Variants in PELI2 observed in about 807,000 individuals in gnomAD.
PELI2 encodes the protein E3 ubiquitin-protein ligase pellino homolog 2.
Under a neutral mutation model 42.3 loss-of-function variants are expected in PELI2, and 23 were observed. That is an observed-to-expected ratio of 0.54 (90% CI 0.39 to 0.77). PELI2 has a LOEUF of 0.77. Among genes scored for constraint, PELI2 ranks in the 30% least tolerant of loss-of-function variants. PELI2 has a pLI of 0.00. For missense variants in PELI2, 463 were observed against 553.2 expected (o/e 0.84, Z 1.64); for synonymous variants, 245 against 212.2 (o/e 1.15, Z -1.34).
chr14:56,277,647 G>A (rs555690740), intron 2 of PELI2, among the ~76,000 whole-genome samples: 1 of 152,244 alleles, frequency 6.6e-6, no homozygotes, highest in Non-Finnish European at 1.5e-5. Context: ...AAAGGTTGGT[G>A]ACCACTACTC....
At chr14:56,243,188 T>A (rs1888037024) in intron 2 of PELI2, among the ~76,000 whole-genome samples, 1 of 152,128 alleles carries the variant, frequency 6.6e-6, no homozygotes, top group Admixed American at 6.5e-5. Context: ...ACTTGGTAGG[T>A]CATGTAACAC....
chr14:56,242,061 G>T (rs1004663746), intron 2 of PELI2, among the ~76,000 whole-genome samples: 16 of 152,202 alleles, frequency 1.1e-4, no homozygotes, highest in African/African-American at 3.1e-4. Context: ...TTCCAGGTAG[G>T]CAGAGGCCTG....
Position 56,298,617 on chromosome 14 carries a change from T to A in PELI2, c.*1451T>A, listed in dbSNP as rs1890085460. The A allele has an allele frequency of 6.5e-6, 1 of 152,676 alleles. No homozygotes were observed. The highest frequency in any genetic ancestry group is 6.5e-5 in the Admixed American group (1 of 15,288). The allele number at this position is 152,676 out of a possible 1,614,324, so 9.5% of individuals were successfully genotyped here. A position where few individuals can be genotyped will look rare whatever the true frequency, so the allele number is the denominator to read the frequency against. Reference sequence around the variant, plus strand: ...ATATGATTCTAATGTACTATATCCATACTTGAATTGGTTTTTTCGTATTTT... The same window carrying A: ...ATATGATTCTAATGTACTATATCCAAACTTGAATTGGTTTTTTCGTATTTT... On this transcript the variant is annotated 3_prime_UTR_variant, in exon 6 of 6. Transcript: ENST00000267460.
At chr14:56,143,946 G>T (rs763319803) in intron 1 of PELI2, among the ~76,000 whole-genome samples, 2 of 152,052 alleles carry the variant, frequency 1.3e-5, no homozygotes, top group Non-Finnish European at 2.9e-5. Flanking sequence ...ATTGCTACTG[G>T]ATTATCATTG....
Position 56,197,574 on chromosome 14 carries a change from C to G in PELI2, c.207+19110C>G, listed in dbSNP as rs926231263. 2.0e-5 allele frequency among the ~76,000 whole-genome samples: 3 copies of G among 152,120 alleles called. No homozygotes were observed. The highest frequency in any genetic ancestry group is 2.4e-5 in the African/African-American group (1 of 41,400). ...GACCAGTTAGAGCCTGTTGCATTGG[C>G]TTAGACCAGAAATGAAGTGGCTTAG... is the stretch of plus-strand genomic sequence containing the variant. On this transcript the variant is annotated intron_variant, in intron 2 of 5. Coordinates refer to ENST00000267460, the MANE Select transcript of PELI2 (RefSeq NM_021255.3). This position sits in a 1 kb window ranked among gnomAD's most constrained non-coding sequence, Gnocchi z 4.9.
intron 5 of PELI2, 88 bp from the exon 6 acceptor site, chr14:56,296,512 A>AT (rs1014342269): frequency 2.4e-5 from 21 of 891,014 alleles, no homozygotes; most frequent in African/African-American, 3.3e-5. Flanking sequence ...ATCTTCAAAT[A>AT]TTTTTTTGCT....
At chr14:56,229,198 T>A (rs918623661) in intron 2 of PELI2, among the ~76,000 whole-genome samples, 1 of 152,192 alleles carries the variant, frequency 6.6e-6, no homozygotes, top group Admixed American at 6.5e-5. Flanking sequence ...CAGCAGAAGC[T>A]TTTGCAGACT....
intron 1 of PELI2, among the ~76,000 whole-genome samples, chr14:56,158,439 TCCA>T (rs1484436524): frequency 3.3e-5 from 5 of 152,184 alleles, no homozygotes; most frequent in Non-Finnish European, 7.4e-5. Flanking sequence ...CCTCCTGGGC[TCCA>T]GTGGTCCTCT....
At chr14:56,133,966 T>G (rs976490017) in intron 1 of PELI2, among the ~76,000 whole-genome samples, 1 of 152,244 alleles carries the variant, frequency 6.6e-6, no homozygotes, top group Non-Finnish European at 1.5e-5. Context: ...GCTGTAGTTT[T>G]TAAGAATGTA....
intron 1 of PELI2, among the ~76,000 whole-genome samples, chr14:56,176,945 G>A (rs919245172): frequency 2.6e-5 from 4 of 152,098 alleles, no homozygotes; most frequent in African/African-American, 7.2e-5. Flanking sequence ...AAAACAAAAC[G>A]GGTTTGTAAT....
intron 2 of PELI2, among the ~76,000 whole-genome samples, chr14:56,198,010 A>ACACACACACC (rs772024884): frequency 1.2e-3 from 140 of 114,698 alleles, no homozygotes; most frequent in African/African-American, 3.5e-3. Flanking sequence ...ACACACACAC[A>ACACACACACC]CACCCACCTC....
At chr14:56,202,228 T>A (rs964605416) in intron 2 of PELI2, among the ~76,000 whole-genome samples, 1 of 152,202 alleles carries the variant, frequency 6.6e-6, no homozygotes, top group Non-Finnish European at 1.5e-5. Context: ...GATTGTACCA[T>A]GTTTGTAAAA....
intron 5 of PELI2, among the ~76,000 whole-genome samples, chr14:56,290,658 A>G (rs1459141301): frequency 6.6e-6 from 1 of 152,196 alleles, no homozygotes; most frequent in East Asian, 1.9e-4. Context: ...AACTTTTCCC[A>G]TAGTGGGAGT....
intron 2 of PELI2, among the ~76,000 whole-genome samples, chr14:56,234,077 C>T (rs1242859078): frequency 6.6e-6 from 1 of 152,096 alleles, no homozygotes; most frequent in Non-Finnish European, 1.5e-5. Context: ...GTTAGAATGG[C>T]GATCATTAAA....
chr14:56,132,698 C>T (rs1844273596), intron 1 of PELI2, among the ~76,000 whole-genome samples: 1 of 152,196 alleles, frequency 6.6e-6, no homozygotes. Context: ...GTAGCCCTTT[C>T]AGCTCAGTTT....
chr14:56,189,704 T>C lies in PELI2; in HGVS notation c.207+11240T>C, dbSNP rs572739148. ...ATGAAACCTAACATTTGTACTTACT[T>C]ATTGGCAGTTTAATTATATTAAAAA... On this transcript the variant is annotated intron_variant, in intron 2 of 5. Transcript: ENST00000267460. Among the ~76,000 whole-genome samples the C allele has an allele frequency of 2.6e-5, 4 of 152,362 alleles. No homozygotes were observed. The South Asian group carries it at 8.3e-4, about 32-fold the overall frequency.
chr14:56,177,449 AT>A (rs984771197), intron 1 of PELI2, among the ~76,000 whole-genome samples: 21 of 151,968 alleles, frequency 1.4e-4, no homozygotes, highest in African/African-American at 3.6e-4. Context: ...TTAGTTTTTT[AT>A]TTTTTTTCTT....
At chr14:56,277,704 G>A (rs562829383) in intron 2 of PELI2, among the ~76,000 whole-genome samples, 5 of 152,180 alleles carry the variant, frequency 3.3e-5, no homozygotes, top group Admixed American at 2.6e-4. Flanking sequence ...TGACCAGAGC[G>A]AGTCTTCATG....
At chr14:56,142,609 C>G (rs1027801075) in intron 1 of PELI2, among the ~76,000 whole-genome samples, 1 of 152,142 alleles carries the variant, frequency 6.6e-6, no homozygotes, top group Non-Finnish European at 1.5e-5. Context: ...ACAAAATTCT[C>G]AAGTTTGATT....
Sources: gnomAD v4.1 joint callset for allele counts (sites outside exome capture counted in the v4.1 genomes callset) on GRCh38, gnomAD v4.1.1 for gene constraint, Gnocchi (gnomAD v3.1) non-coding constraint, MANE v1.5 for transcripts, NCBI Gene and HGNC (gene_info 2026-07-23, HGNC 2026-07-21) for gene names.